The following NTN1 variants were observed in gnomAD, a reference collection of about 807,000 sequenced individuals.
NTN1 encodes netrin 1.
A neutral mutation model predicts 54.2 loss-of-function variants in NTN1; 11 were observed. The observed-to-expected ratio is 0.20, with a 90% confidence interval of 0.13 to 0.34. The LOEUF is 0.34. Among genes scored for constraint, NTN1 ranks in the 10% least tolerant of loss-of-function variants. NTN1 has a pLI of 1.00. For synonymous variants in NTN1, 371 were observed against 382.0 expected, an observed-to-expected ratio of 0.97 and a Z score of 0.33; for missense variants, 740 against 893.1, an observed-to-expected ratio of 0.83 and a Z score of 2.18.
chr17:9,166,207 C>G (rs1196655702), intron 3 of NTN1, among the ~76,000 whole-genome samples: 8 of 127,848 alleles, frequency 6.3e-5, no homozygotes, highest in Admixed American at 1.6e-4. Flanking sequence ...ACCACCACCA[C>G]CAGCACCTCC....
At chr17:9,138,513 GCA>G (rs1452237005) in intron 2 of NTN1, among the ~76,000 whole-genome samples, 2 of 152,150 alleles carry the variant, frequency 1.3e-5, no homozygotes, top group Non-Finnish European at 2.9e-5. Flanking sequence ...CCCACTCTCC[GCA>G]CACTGTCACC....
intron 2 of NTN1, among the ~76,000 whole-genome samples, chr17:9,080,923 T>C (rs1257929977): frequency 6.6e-6 from 1 of 152,194 alleles, no homozygotes; most frequent in Non-Finnish European, 1.5e-5. Context: ...ATGTATCTCT[T>C]CACCTGTATT....
At position 9,056,064 on chromosome 17, in the gene NTN1, A is replaced by ATT. The variant is rs35808249; in HGVS notation, c.1018+32683_1018+32684dup. Among the ~76,000 whole-genome samples the ATT allele has an allele frequency of 3.1e-4, 45 of 146,964 alleles. 1 individual carries two copies. The highest frequency in any genetic ancestry group is 7.7e-4 in the African/African-American group (31 of 40,098). ...AGGTGCACACCATTATGCCTGGCTA[A>ATT]TTTTTTTTTTTGACAGAGTTTCCCT... On this transcript the variant is annotated intron_variant, in intron 2 of 6. Transcript: ENST00000173229.
chr17:9,088,489 T>C (rs1358673786), intron 2 of NTN1, among the ~76,000 whole-genome samples: 3 of 152,034 alleles, frequency 2.0e-5, no homozygotes, highest in African/African-American at 7.3e-5. Context: ...AGCAAGCCGC[T>C]CTATGTTCTC....
At chr17:9,094,966 G>A (rs757339041) in intron 2 of NTN1, among the ~76,000 whole-genome samples, 15 of 130,122 alleles carry the variant, frequency 1.2e-4, no homozygotes, top group African/African-American at 2.4e-4. Flanking sequence ...TTCAGCCTGC[G>A]CAACAGAGCG....
At chr17:9,200,574 G>A (rs1007687132) in intron 5 of NTN1, among the ~76,000 whole-genome samples, 1 of 152,196 alleles carries the variant, frequency 6.6e-6, no homozygotes, top group Non-Finnish European at 1.5e-5. Context: ...GGCTGAAAGT[G>A]GGGGATTTCT....
intron 2 of NTN1, among the ~76,000 whole-genome samples, chr17:9,058,340 C>T (rs1183824208): frequency 2.0e-5 from 3 of 152,068 alleles, no homozygotes; most frequent in African/African-American, 7.2e-5. Flanking sequence ...TTTGTACTTA[C>T]CTGCCTTTTT....
intron 2 of NTN1, among the ~76,000 whole-genome samples, chr17:9,049,219 A>G (rs1043684008): frequency 7.2e-5 from 11 of 152,262 alleles, no homozygotes; most frequent in African/African-American, 2.7e-4. Context: ...AAGAATCACA[A>G]GGTCTGCTAA....
chr17:9,117,688 G>A (rs2092218346), intron 2 of NTN1, among the ~76,000 whole-genome samples: 1 of 150,840 alleles, frequency 6.6e-6, no homozygotes, highest in South Asian at 2.1e-4. Flanking sequence ...AGGTTGCAGT[G>A]AGGTGAGATT....
chr17:9,162,772 G>T (rs760073562), intron 2 of NTN1, 41 bp from the exon 3 acceptor site: 2 of 1,568,864 alleles, frequency 1.3e-6, no homozygotes, highest in South Asian at 2.3e-5. Flanking sequence ...TGTCCTCCCC[G>T]CGCCCCTGCG....
chr17:9,027,339 G>A (rs780579222), intron 2 of NTN1, among the ~76,000 whole-genome samples: 4 of 152,130 alleles, frequency 2.6e-5, no homozygotes, highest in African/African-American at 7.2e-5. Flanking sequence ...CCGTGACTAC[G>A]CTAATAATAG....
At chr17:9,097,218 G>A (rs1350375910) in intron 2 of NTN1, among the ~76,000 whole-genome samples, 4 of 152,180 alleles carry the variant, frequency 2.6e-5, no homozygotes, top group South Asian at 2.1e-4. Flanking sequence ...AAATTCAAAC[G>A]CTGCTGTAAG....
chr17:9,079,012 C>T (rs1300133224), intron 2 of NTN1, among the ~76,000 whole-genome samples: 1 of 152,224 alleles, frequency 6.6e-6, no homozygotes, highest in African/African-American at 2.4e-5. Flanking sequence ...TTCTACAATC[C>T]TAATGGCTCC....
intron 2 of NTN1, among the ~76,000 whole-genome samples, chr17:9,098,480 C>T (rs2092139303): frequency 1.3e-5 from 2 of 152,232 alleles, no homozygotes; most frequent in Non-Finnish European, 2.9e-5. Flanking sequence ...AGGGTCATTG[C>T]AGCATATCTG....
chr17:9,195,073 C>G (rs1042796723), intron 5 of NTN1, among the ~76,000 whole-genome samples: 1 of 152,100 alleles, frequency 6.6e-6, no homozygotes, highest in African/African-American at 2.4e-5. Context: ...CTCATTCCCT[C>G]ATTTTCCCTG....
chr17:9,186,161 G>C (rs1335521561), intron 5 of NTN1, among the ~76,000 whole-genome samples: 1 of 152,030 alleles, frequency 6.6e-6, no homozygotes, highest in Non-Finnish European at 1.5e-5. Flanking sequence ...CCAATGTGTA[G>C]CATCTGCCAC....
At chr17:9,025,594 A>T (rs1034230516) in intron 2 of NTN1, among the ~76,000 whole-genome samples, 1 of 152,218 alleles carries the variant, frequency 6.6e-6, no homozygotes, top group Non-Finnish European at 1.5e-5. Flanking sequence ...CAACTATGTT[A>T]AAGTTATTTA....
chr17:9,210,420 GCACACACACACACACCCCCACACCCACA>G (rs1323587995), intron 5 of NTN1, among the ~76,000 whole-genome samples: 4 of 118,550 alleles, frequency 3.4e-5, no homozygotes, highest in African/African-American at 1.4e-4. Context: ...ACATGTGCGT[GCACACACACACACACCCCCACACCCACA>G]CACACACACA....
chr17:9,127,843 A>C (rs2092252409), intron 2 of NTN1, among the ~76,000 whole-genome samples: 1 of 152,092 alleles, frequency 6.6e-6, no homozygotes, highest in East Asian at 1.9e-4. Flanking sequence ...TTGGTCGGGC[A>C]CAGTGATGCA....
Sources: gnomAD v4.1 joint callset for allele counts (sites outside exome capture counted in the v4.1 genomes callset) on GRCh38, gnomAD v4.1.1 for gene constraint, MANE v1.5 for transcripts, NCBI Gene and HGNC (gene_info 2026-07-23, HGNC 2026-07-21) for gene names.